Variants in MAP3K3 observed in about 807,000 individuals in gnomAD.
MAP3K3 encodes MAP/ERK kinase kinase 3.
A neutral mutation model predicts 80.9 loss-of-function variants in MAP3K3; 12 were observed. That is an observed-to-expected ratio of 0.15 (90% confidence interval 0.10 to 0.24). The LOEUF (loss-of-function observed/expected upper bound fraction) is 0.24. MAP3K3 is among the 10% of genes least tolerant of loss of function. The pLI is 1.00. For missense variants in MAP3K3, 596 were observed against 834.7 expected, an observed-to-expected ratio of 0.71 and a Z score of 3.52; for synonymous variants, 272 against 307.1, an observed-to-expected ratio of 0.89 and a Z score of 1.19.
chr17:63,630,527 A>G (rs1306923201), intron 1 of MAP3K3, among the ~76,000 whole-genome samples: 1 of 152,042 alleles, frequency 6.6e-6, no homozygotes, highest in Non-Finnish European at 1.5e-5. Flanking sequence ...TAGTTTTGCC[A>G]TGTTGCCCAG....
At chr17:63,688,990 G>A in intron 10 of MAP3K3, 109 bp downstream of exon 10, 2 of 771,998 alleles carry the variant, frequency 2.6e-6, no homozygotes, top group Non-Finnish European at 4.4e-6. Flanking sequence ...CATTCCTGAG[G>A]ATTTGTGGCC....
chr17:63,678,142 T>C (rs915180207), intron 6 of MAP3K3, among the ~76,000 whole-genome samples: 2 of 152,134 alleles, frequency 1.3e-5, no homozygotes, highest in African/African-American at 2.4e-5. Context: ...ATAAAGTCAC[T>C]TTATGGCTTT....
intron 8 of MAP3K3, chr17:63,688,313 T>A (rs1484177095): frequency 3.4e-6 from 2 of 591,110 alleles, no homozygotes; most frequent in Non-Finnish European, 6.1e-6. Context: ...ATGGGGGAGA[T>A]TTACCACTCA....
chr17:63,636,884 A>G (rs1198629393), intron 2 of MAP3K3: 3 of 424,400 alleles, frequency 7.1e-6, no homozygotes, highest in Non-Finnish European at 9.1e-6. Flanking sequence ...AAGCCTTGGG[A>G]CAATGAGACC....
chr17:63,688,159 C>T (rs2035499131), intron 8 of MAP3K3: 1 of 285,770 alleles, frequency 3.5e-6, no homozygotes, highest in South Asian at 4.4e-5. Context: ...GGTAAGAAAG[C>T]AGCAGCCTAT....
chr17:63,654,354 C>T (rs1032373929), intron 4 of MAP3K3, among the ~76,000 whole-genome samples: 3 of 122,460 alleles, frequency 2.4e-5, no homozygotes, highest in African/African-American at 9.9e-5. Flanking sequence ...TTTGACTAAG[C>T]GTATGTTTTC....
chr17:63,691,657 G>A lies in MAP3K3; in HGVS notation c.1345-76G>A. On this transcript the variant is annotated intron_variant, in intron 13 of 15. Coordinates refer to ENST00000361733, the MANE Select transcript of MAP3K3 (RefSeq NM_002401.5). The surrounding 1 kb of genome is among the most constrained non-coding windows in gnomAD (Gnocchi z 4.8). ...GAACAAATCACTCCTTTGCTGCCAT[G>A]CTGGGGGCTGGAATGGGCTTGCCCC... The A allele has an allele frequency of 6.4e-7, 1 of 1,561,108 alleles. No individual in the cohort carries two copies.
At chr17:63,637,037 A>G in intron 2 of MAP3K3, 3 of 538,792 alleles carry the variant, frequency 5.6e-6, no homozygotes, top group East Asian at 4.6e-5. Flanking sequence ...GGTGGGGACA[A>G]ACTTTCTGGA....
At chr17:63,663,645 A>G (rs1211174687) in intron 5 of MAP3K3, among the ~76,000 whole-genome samples, 2 of 152,220 alleles carry the variant, frequency 1.3e-5, no homozygotes, top group Admixed American at 6.5e-5. Context: ...CTCCTTGAAT[A>G]TTGAGCATTA....
chr17:63,636,114 A>G lies in MAP3K3; in HGVS notation c.126+3312A>G, dbSNP rs201087141. ...CCAGAGGAGCTGTGGGTTCATTAAC[A>G]GGATTGTTTGGGTGCCGAGGCCTGG... On this transcript the variant is annotated intron_variant, in intron 2 of 15. Coordinates refer to ENST00000361733, the MANE Select transcript of MAP3K3 (RefSeq NM_002401.5). Among the ~76,000 whole-genome samples, 14 of 152,322 alleles carry G rather than the reference A, an allele frequency of 9.2e-5. No individual in the cohort carries two copies. In the East Asian group the frequency reaches 2.7e-3, roughly 29 times the overall value.
chr17:63,636,878 C>G (rs1253633305), intron 2 of MAP3K3: 1 of 417,134 alleles, frequency 2.4e-6, no homozygotes, highest in Non-Finnish European at 4.7e-6. Flanking sequence ...GACATCAAGC[C>G]TTGGGACAAT....
At position 63,693,981 on chromosome 17, in the gene MAP3K3, C is replaced by G. The variant is rs2035644036; in HGVS notation, c.*204C>G. The G allele has an allele frequency of 1.9e-6, 1 of 531,202 alleles. No individual in the cohort carries two copies. The highest frequency in any genetic ancestry group is 3.3e-6 in the Non-Finnish European group (1 of 302,444). 32.9% of individuals were successfully genotyped at this position (531,202 alleles called of 1,614,324 possible). A position where few individuals can be genotyped will look rare whatever the true frequency, so the allele number is the denominator to read the frequency against. On this transcript the variant is annotated 3_prime_UTR_variant, in exon 16 of 16. Transcript: ENST00000361733. The surrounding 1 kb of genome is among the most constrained non-coding windows in gnomAD (Gnocchi z 4.2). ...AGCCTCAGGACTGGGAGCCCCCAGC[C>G]TGTCAGATCCAGGAGCTCCAGTGTC...
chr17:63,670,014 G>T (rs1367441768), intron 6 of MAP3K3, among the ~76,000 whole-genome samples: 2 of 151,534 alleles, frequency 1.3e-5, no homozygotes, highest in East Asian at 3.9e-4. Flanking sequence ...GAGGTGGGAG[G>T]ATCACTTGAG....
At chr17:63,650,053 C>T (rs1373729066) in intron 3 of MAP3K3, among the ~76,000 whole-genome samples, 1 of 152,158 alleles carries the variant, frequency 6.6e-6, no homozygotes, top group African/African-American at 2.4e-5. Flanking sequence ...ACTGCTTGCT[C>T]CAACACACAC....
At chr17:63,679,598 T>G (rs1452488112) in intron 6 of MAP3K3, among the ~76,000 whole-genome samples, 1 of 152,136 alleles carries the variant, frequency 6.6e-6, no homozygotes, top group Non-Finnish European at 1.5e-5. Flanking sequence ...TCCTCCTGTC[T>G]CAGTCTTCCA....
intron 3 of MAP3K3, among the ~76,000 whole-genome samples, chr17:63,647,040 C>T (rs2034553888): frequency 6.6e-6 from 1 of 152,162 alleles, no homozygotes. Flanking sequence ...GACCTTAGTA[C>T]CTCTAAACAT....
Position 63,689,625 on chromosome 17 carries a change from A to G in MAP3K3, c.953A>G (p.Asn318Ser). 4 of 1,614,028 alleles carry G rather than the reference A, an allele frequency of 2.5e-6. No homozygotes were observed. The South Asian group carries it at 3.3e-5, about 13-fold the overall frequency. ...CCCTCCAGCCGCTCCCTGAGCACAA[A>G]TGGCGAGAACATGGGTCTGGCTGTG... The part of the protein sequence containing the change: ...LVPSSRSLST[N>S]GENMGLAVQY... Residue 318 changes from asparagine (N) to serine (S), a missense_variant, in exon 11 of 16, where the codon AAT (asparagine) becomes AGT (serine). Asn to Ser is a conservative substitution (Grantham distance 46). Coordinates refer to ENST00000361733, the MANE Select transcript of MAP3K3 (RefSeq NM_002401.5). The surrounding 1 kb of genome is among the most constrained non-coding windows in gnomAD (Gnocchi z 4.3).
Position 63,693,756 on chromosome 17 carries a change from C to T in MAP3K3, c.1860C>T (p.His620=). 1.2e-6 allele frequency: 2 copies of T among 1,602,072 alleles called. No homozygotes were observed. Among genetic ancestry groups the T allele is most frequent in the Middle Eastern group, 3.3e-4 (2 of 5,982 alleles). Residue 620 remains histidine (H), a synonymous_variant, in exon 16 of 16, where the codon CAC becomes CAT. Coordinates refer to ENST00000361733, the MANE Select transcript of MAP3K3 (RefSeq NM_002401.5). This position sits in a 1 kb window ranked among gnomAD's most constrained non-coding sequence, Gnocchi z 4.2. ...RPSAEELLTH[H]FAQLMY is the part of the protein sequence containing the mutation. ...CAGCTGAGGAGCTGCTCACACACCA[C>T]TTTGCACAGCTCATGTACTGAGCTC...
In MAP3K3 at chr17:63,689,168, C is replaced by T; in HGVS notation, c.871+287C>T. ...TCTTCTGCCCCACAGCAGCAGGTGG[C>T]CTGGGCCCTGTAGAGGGGTAAGGAG... On this transcript the variant is annotated intron_variant, in intron 10 of 15. Transcript: ENST00000361733. The surrounding 1 kb of genome is among the most constrained non-coding windows in gnomAD (Gnocchi z 4.3). The T allele has an allele frequency of 3.6e-6, 2 of 560,320 alleles. No homozygotes were observed. Among genetic ancestry groups the T allele is most frequent in the Non-Finnish European group, 3.2e-6 (1 of 314,650 alleles). The allele number at this position is 560,320 out of a possible 1,614,324, so 34.7% of individuals were successfully genotyped here. A position where few individuals can be genotyped will look rare whatever the true frequency, so the allele number is the denominator to read the frequency against.
Sources: gnomAD v4.1 joint callset for allele counts (sites outside exome capture counted in the v4.1 genomes callset) on GRCh38, gnomAD v4.1.1 for gene constraint, Gnocchi (gnomAD v3.1) non-coding constraint, MANE v1.5 for transcripts, NCBI Gene and HGNC (gene_info 2026-07-23, HGNC 2026-07-21) for gene names.